BCL2L15: variants seen among roughly 807,000 people sequenced by gnomAD.
The protein encoded by BCL2L15 is bcl-2-like protein 15.
A neutral mutation model predicts 18.3 loss-of-function variants in BCL2L15; 15 were observed. That is an observed-to-expected ratio of 0.82 (90% confidence interval 0.55 to 1.26). BCL2L15 has a LOEUF of 1.26. Among genes scored for constraint, BCL2L15 ranks in the 50% most tolerant of loss-of-function variants. The pLI is 0.00. For synonymous variants in BCL2L15, 58 were observed against 68.5 expected (o/e 0.85, Z 0.76); for missense variants, 180 against 201.7 (o/e 0.89, Z 0.65).
rs191880980 is a variant in BCL2L15, at chr1:113,880,452, T to A, written c.*671A>T. 3 of 152,066 alleles carry A rather than the reference T, an allele frequency of 2.0e-5. No individual in the cohort carries two copies. The highest frequency in any genetic ancestry group is 4.4e-5 in the Non-Finnish European group (3 of 68,100). 9.4% of individuals were successfully genotyped at this position (152,066 alleles called of 1,614,324 possible). On this transcript the variant is annotated 3_prime_UTR_variant, in exon 4 of 4. Transcript: ENST00000393316. The stretch of plus-strand genomic sequence containing the variant: ...CCATCCTGGCTAACACGGCGAAACC[T>A]CATCTCTACTAAAAATACAAAAAAT...
Position 113,881,040 on chromosome 1 carries a change from T to C in BCL2L15, c.*83A>G, listed in dbSNP as rs573277746. 1 of 1,600,080 alleles carries C rather than the reference T, an allele frequency of 6.2e-7. No homozygotes were observed. The highest frequency in any genetic ancestry group is 2.2e-5 in the East Asian group (1 of 44,772). ...TAAAATGAAAAAAGTGCTTTTTTAT[T>C]TGTTTGTTTGAATTCCCAGGAATCA... On this transcript the variant is annotated 3_prime_UTR_variant, in exon 4 of 4. Transcript: ENST00000393316.
rs995115984 is a variant in BCL2L15, at chr1:113,877,801, C to G, written c.*3322G>C. Among the ~76,000 whole-genome samples, 1 of 152,014 alleles carries G rather than the reference C, an allele frequency of 6.6e-6. No individual in the cohort carries two copies. Among genetic ancestry groups the G allele is most frequent in the Non-Finnish European group, 1.5e-5 (1 of 67,994 alleles). On this transcript the variant is annotated 3_prime_UTR_variant, in exon 4 of 4. Coordinates refer to ENST00000393316, the MANE Select transcript of BCL2L15 (RefSeq NM_001010922.3). Reference sequence around the variant, plus strand: ...TTGCTAATAAATCTGGTAGAAGAACCAGGACAAAAATGAAGTAACAAATGA... The same window carrying G: ...TTGCTAATAAATCTGGTAGAAGAACGAGGACAAAAATGAAGTAACAAATGA...
At chr1:113,885,668 C>T (rs1487314513) in intron 2 of BCL2L15, among the ~76,000 whole-genome samples, 6 of 152,154 alleles carry the variant, frequency 3.9e-5, no homozygotes, top group Non-Finnish European at 8.8e-5. Context: ...GTGATCCGCC[C>T]GGCTAATTTT....
intron 2 of BCL2L15, among the ~76,000 whole-genome samples, chr1:113,883,251 A>C (rs1294324373): frequency 6.6e-6 from 1 of 151,748 alleles, no homozygotes; most frequent in Non-Finnish European, 1.5e-5. Context: ...GGGAGGCCAA[A>C]GCAGGCAGAT....
At chr1:113,882,448 C>T (rs1268813588) in intron 2 of BCL2L15, among the ~76,000 whole-genome samples, 5 of 149,302 alleles carry the variant, frequency 3.3e-5, no homozygotes, top group South Asian at 2.1e-4. Flanking sequence ...AGTTCAAGAC[C>T]AGCCTGGCCA....
chr1:113,878,388 C>G lies in BCL2L15; in HGVS notation c.*2735G>C, dbSNP rs915195008. ...CAATGTCTTCTTCCTGCAGCCCAAT[C>G]ACTTAAGCTCTCCTAAGATAGAGTC... On this transcript the variant is annotated 3_prime_UTR_variant, in exon 4 of 4. Transcript: ENST00000393316. 1 of 152,364 alleles carries G rather than the reference C, an allele frequency of 6.6e-6. No homozygotes were observed. The highest frequency in any genetic ancestry group is 2.4e-5 in the African/African-American group (1 of 41,452). 9.4% of individuals were successfully genotyped at this position (152,364 alleles called of 1,614,324 possible).
intron 2 of BCL2L15, among the ~76,000 whole-genome samples, chr1:113,883,481 CAAA>C (rs34752806): frequency 1.5e-5 from 2 of 137,610 alleles, no homozygotes; most frequent in Non-Finnish European, 1.6e-5. Flanking sequence ...GACTCCGTCT[CAAA>C]AAAAAAAAAA....
chr1:113,886,769 T>G, intron 1 of BCL2L15, 111 bp from the exon 2 acceptor site: 1 of 1,044,858 alleles, frequency 9.6e-7, no homozygotes. Flanking sequence ...CATATCATGA[T>G]CTCCCAAGAG....
At position 113,880,363 on chromosome 1, in the gene BCL2L15, A is replaced by T. The variant is rs1378723025; in HGVS notation, c.*760T>A. ...GATTTTAGGCCGGGCGTGGTGGCTC[A>T]CGCCTGTAATCCCAGCACTTTGGGA... On this transcript the variant is annotated 3_prime_UTR_variant, in exon 4 of 4. Transcript: ENST00000393316. 5 of 152,270 alleles carry T rather than the reference A, an allele frequency of 3.3e-5. No individual in the cohort carries two copies. Among genetic ancestry groups the T allele is most frequent in the African/African-American group, 9.6e-5 (4 of 41,464 alleles). The allele number at this position is 152,270 out of a possible 1,614,324, so 9.4% of individuals were successfully genotyped here.
chr1:113,887,220 G>A (rs1462513262), intron 1 of BCL2L15, 29 bp downstream of exon 1: 1 of 1,604,618 alleles, frequency 6.2e-7, no homozygotes, highest in South Asian at 1.1e-5. Context: ...TTATTGACCT[G>A]CAATCACCGC....
chr1:113,880,594 C>G lies in BCL2L15; in HGVS notation c.*529G>C, dbSNP rs959237267. 1.3e-5 allele frequency: 2 copies of G among 154,204 alleles called. No individual in the cohort carries two copies. The highest frequency in any genetic ancestry group is 4.8e-5 in the African/African-American group (2 of 41,354). 9.6% of individuals were successfully genotyped at this position (154,204 alleles called of 1,614,324 possible). The stretch of plus-strand genomic sequence containing the variant: ...TGAGCTGAGATCGCACCACTGCACT[C>G]CAGCCTGGGTGACAGAGTGAGACTA... On this transcript the variant is annotated 3_prime_UTR_variant, in exon 4 of 4. Transcript: ENST00000393316.
At position 113,881,500 on chromosome 1, in the gene BCL2L15, T is replaced by C. The variant is rs1666877761; in HGVS notation, c.474+273A>G. ...TTAGAACTCTATCATGAATATACTT[T>C]ATAGATGATTATGTGTAGGAAATGA... On this transcript the variant is annotated intron_variant, in intron 3 of 3. Coordinates refer to ENST00000393316, the MANE Select transcript of BCL2L15 (RefSeq NM_001010922.3). 3.7e-6 allele frequency: 5 copies of C among 1,359,860 alleles called. No homozygotes were observed. The Admixed American group carries it at 9.3e-5, about 25-fold the overall frequency. The allele number at this position is 1,359,860 out of a possible 1,614,324, so 84.2% of individuals were successfully genotyped here.
intron 2 of BCL2L15, among the ~76,000 whole-genome samples, chr1:113,885,059 A>C (rs1219277225): frequency 6.6e-6 from 1 of 151,902 alleles, no homozygotes; most frequent in East Asian, 1.9e-4. Context: ...GGGTTCAAGC[A>C]ATTCTCCTAC....
rs548657547 is a variant in BCL2L15 at position 113,879,408 on chromosome 1, T to C, written c.*1715A>G. The C allele has an allele frequency of 6.6e-6, 1 of 152,472 alleles. No homozygotes were observed. Among genetic ancestry groups the C allele is most frequent in the Non-Finnish European group, 1.5e-5 (1 of 68,030 alleles). 9.4% of individuals were successfully genotyped at this position (152,472 alleles called of 1,614,324 possible). On this transcript the variant is annotated 3_prime_UTR_variant, in exon 4 of 4. Transcript: ENST00000393316. ...ATCTATTAGATCATTAAGGACTATT[T>C]TGAGATACAAGATCATACAAATCAT...
At position 113,881,146 on chromosome 1, in the gene BCL2L15, G is replaced by T. The variant is rs1666869474; in HGVS notation, c.475-6C>A. ...CTTCAGCTCTCCAGATTTTCCTAGG[G>T]AAGACAGAGAAAATCCTACAGTCAA... On this transcript the variant is annotated splice_polypyrimidine_tract_variant and splice_region_variant and intron_variant, in intron 3 of 3. Coordinates refer to ENST00000393316, the MANE Select transcript of BCL2L15 (RefSeq NM_001010922.3). 1 of 1,614,106 alleles carries T rather than the reference G, an allele frequency of 6.2e-7. No homozygotes were observed. Among genetic ancestry groups the T allele is most frequent in the Non-Finnish European group, 8.5e-7 (1 of 1,180,000 alleles).
Position 113,887,511 on chromosome 1 carries a change from C to T in BCL2L15, c.-136G>A, listed in dbSNP as rs1667075880. ...CCTGACATGTAATCCTGGAACTTTT[C>T]CCACTAGCTTTCTTCAAACACAGCT... On this transcript the variant is annotated 5_prime_UTR_variant, in exon 1 of 4. Transcript: ENST00000393316. 8.2e-7 allele frequency: 1 copy of T among 1,222,190 alleles called. No individual in the cohort carries two copies. 75.7% of individuals were successfully genotyped at this position (1,222,190 alleles called of 1,614,324 possible). A position where few individuals can be genotyped will look rare whatever the true frequency, so the allele number is the denominator to read the frequency against.
chr1:113,881,915 G>A lies in BCL2L15; in HGVS notation c.332C>T (p.Ala111Val). Residue 111 changes from alanine to valine, a missense_variant, in exon 3 of 4, where the codon GCT becomes GTT. Transcript: ENST00000393316. Reference protein sequence around the residue: ...AQDSSLAYERAFLAVSVKLLE... With the variant: ...AQDSSLAYERVFLAVSVKLLE... ...AAGTTTCACTGACACTGCCAGAAAA[G>A]CTCTCTCATAAGCTAAGCTGGAATC... The A allele has an allele frequency of 1.9e-6, 3 of 1,614,170 alleles. No individual in the cohort carries two copies. Among genetic ancestry groups the A allele is most frequent in the Non-Finnish European group, 2.5e-6 (3 of 1,180,018 alleles).
At position 113,880,067 on chromosome 1, in the gene BCL2L15, A is replaced by T. The variant is rs1666824854; in HGVS notation, c.*1056T>A. The T allele has an allele frequency of 1.3e-5, 2 of 152,300 alleles. No homozygotes were observed. The allele number at this position is 152,300 out of a possible 1,614,324, so 9.4% of individuals were successfully genotyped here. On this transcript the variant is annotated 3_prime_UTR_variant, in exon 4 of 4. Transcript: ENST00000393316. ...GGTCCACAAGTGGTGTGTGAACCAC[A>T]CTTTTAAAGCTTTGTGTTATGCAGC...
At chr1:113,884,146 G>C (rs762013369) in intron 2 of BCL2L15, among the ~76,000 whole-genome samples, 1 of 152,176 alleles carries the variant, frequency 6.6e-6, no homozygotes, top group Non-Finnish European at 1.5e-5. Context: ...ACTTTATAGA[G>C]GAGAAGCTTT....
Sources: allele counts gnomAD v4.1 joint callset (sites outside exome capture counted in the v4.1 genomes callset), GRCh38; gene constraint gnomAD v4.1.1; transcripts MANE v1.5; gene names NCBI Gene and HGNC (gene_info 2026-07-23, HGNC 2026-07-21).